TXLNB: variants seen among roughly 807,000 people sequenced by gnomAD.
The protein encoded by TXLNB is taxilin beta.
In TXLNB, 37 loss-of-function variants were observed where a neutral mutation model predicts 57.4. The ratio of observed to expected loss-of-function variants is 0.64; its 90% CI spans 0.50 to 0.85. TXLNB has a LOEUF of 0.85. TXLNB is among the 40% of genes least tolerant of loss of function. TXLNB has a pLI of 0.00. For missense variants in TXLNB, 848 were observed against 825.6 expected (o/e 1.03, Z -0.33); for synonymous variants, 302 against 309.6 (o/e 0.98, Z 0.26).
chr6:139,191,535 T>C, the TXLNB span, among the ~76,000 whole-genome samples: 2 of 152,174 alleles, frequency 1.3e-5, no homozygotes, highest in Admixed American at 6.5e-5. Context: ...TTATACAACG[T>C]TTCAATTACT....
At chr6:139,316,889 C>T in the TXLNB span, among the ~76,000 whole-genome samples, 7 of 152,252 alleles carry the variant, frequency 4.6e-5, no homozygotes, top group African/African-American at 1.4e-4. Context: ...AGTTAAGGCT[C>T]ACAAGGCTGG....
At chr6:139,217,637 G>A in the TXLNB span, among the ~76,000 whole-genome samples, 6 of 152,244 alleles carry the variant, frequency 3.9e-5, no homozygotes, top group African/African-American at 1.4e-4. Flanking sequence ...GGGAGGCCAA[G>A]GAGGGCAGAT....
At chr6:139,240,020 AAAT>A (rs923538560), downstream of TXLNB, 35 of 152,090 alleles carry the variant, frequency 2.3e-4, no homozygotes, top group African/African-American at 8.2e-4. Context: ...AACAAAAATA[AAAT>A]AAGTCAAAGT....
chr6:139,292,980 G>A (rs1460680623), upstream of TXLNB, among the ~76,000 whole-genome samples: 1 of 152,170 alleles, frequency 6.6e-6, no homozygotes, highest in African/African-American at 2.4e-5. This position sits in a 1 kb window ranked among gnomAD's most constrained non-coding sequence, Gnocchi z 4.0. Context: ...CCTACTCCCT[G>A]GAACCTGTGA....
the TXLNB span, chr6:139,203,473 C>G: frequency 6.6e-6 from 1 of 152,206 alleles, no homozygotes; most frequent in African/African-American, 2.4e-5. Flanking sequence ...TTAGCTTAAC[C>G]TCTCAGCAGC....
chr6:139,300,765 C>T, the TXLNB span, among the ~76,000 whole-genome samples: 2 of 152,156 alleles, frequency 1.3e-5, no homozygotes, highest in Admixed American at 6.5e-5. Context: ...CGTGGTGGCA[C>T]GCGGCTGTAA....
At chr6:139,317,616 A>C in the TXLNB span, among the ~76,000 whole-genome samples, 3 of 152,004 alleles carry the variant, frequency 2.0e-5, no homozygotes, top group Admixed American at 2.0e-4. Flanking sequence ...AGCCAGGATG[A>C]TCTCGATCTC....
chr6:139,257,315 G>A (rs920527271), intron 6 of TXLNB, among the ~76,000 whole-genome samples: 1 of 152,066 alleles, frequency 6.6e-6, no homozygotes, highest in Non-Finnish European at 1.5e-5. Context: ...CTCATATCTA[G>A]TTTGACAGTT....
At chr6:139,163,569 G>A in the TXLNB span, among the ~76,000 whole-genome samples, 2 of 152,086 alleles carry the variant, frequency 1.3e-5, no homozygotes, top group Admixed American at 6.5e-5. Context: ...GGCCAGGCTA[G>A]TATCGAACTC....
At chr6:139,261,774 T>C (rs1202011643) in intron 5 of TXLNB, among the ~76,000 whole-genome samples, 1 of 152,086 alleles carries the variant, frequency 6.6e-6, no homozygotes, top group Non-Finnish European at 1.5e-5. Context: ...CCATATGGTA[T>C]GTAAAGTACA....
chr6:139,314,252 TAAG>T, the TXLNB span, among the ~76,000 whole-genome samples: 1 of 152,222 alleles, frequency 6.6e-6, no homozygotes, highest in African/African-American at 2.4e-5. Context: ...TAGAGTCTGA[TAAG>T]AGACATTTAC....
chr6:139,243,821 G>A (rs1300267998), intron 9 of TXLNB, among the ~76,000 whole-genome samples: 3 of 152,302 alleles, frequency 2.0e-5, no homozygotes, highest in South Asian at 2.1e-4. Flanking sequence ...GAGAAGAATT[G>A]TTAGAGCAGT....
intron 4 of TXLNB, among the ~76,000 whole-genome samples, chr6:139,267,073 G>A (rs73560718): frequency 0.038 from 5,762 of 150,864 alleles, 372 homozygotes; most frequent in African/African-American, 0.13. Flanking sequence ...AAGATAAAAG[G>A]CAACTAAGAG....
intron 3 of TXLNB, among the ~76,000 whole-genome samples, chr6:139,272,133 C>A (rs1022147389): frequency 6.6e-6 from 1 of 151,986 alleles, no homozygotes; most frequent in Non-Finnish European, 1.5e-5. Context: ...GTGGTGAAAC[C>A]CCATCTCTAC....
chr6:139,222,763 C>T, the TXLNB span, among the ~76,000 whole-genome samples: 3 of 151,904 alleles, frequency 2.0e-5, no homozygotes, highest in Admixed American at 6.6e-5. Flanking sequence ...GCCGAGATTG[C>T]GCCACTGCAC....
Position 139,240,644 on chromosome 6 carries a change from G to A in TXLNB, c.*1882C>T, listed in dbSNP as rs1353253566. The A allele has an allele frequency of 6.6e-6, 1 of 152,628 alleles. No individual in the cohort carries two copies. The highest frequency in any genetic ancestry group is 2.4e-5 in the African/African-American group (1 of 41,446). 9.5% of individuals were successfully genotyped at this position (152,628 alleles called of 1,614,324 possible). A position where few individuals can be genotyped will look rare whatever the true frequency, so the allele number is the denominator to read the frequency against. The stretch of plus-strand genomic sequence containing the variant: ...TAAGACTTGCAGTAATGTTGAATTT[G>A]GCTGGATACCCTGTGGTTATAATAT... On this transcript the variant is annotated 3_prime_UTR_variant, in exon 10 of 10. Coordinates refer to ENST00000358430, the MANE Select transcript of TXLNB (RefSeq NM_153235.4).
At chr6:139,215,164 T>C in the TXLNB span, among the ~76,000 whole-genome samples, 2 of 152,084 alleles carry the variant, frequency 1.3e-5, no homozygotes, top group Admixed American at 6.6e-5. Flanking sequence ...AAGCCCGCAT[T>C]GCCAAGTCAA....
In TXLNB at chr6:139,277,201, C is replaced by T. The variant is rs557378749; in HGVS notation, c.425-280G>A. ...TCTCCCAGTTTTCATCACAAGAATC[C>T]GTTCTTATTTCTCCTCCCTGTATTC... On this transcript the variant is annotated intron_variant, in intron 2 of 9. Coordinates refer to ENST00000358430, the MANE Select transcript of TXLNB (RefSeq NM_153235.4). The T allele has an allele frequency of 6.4e-5, 19 of 298,696 alleles. No homozygotes were observed. The Admixed American group carries it at 6.8e-4, about 11-fold the overall frequency. The allele number at this position is 298,696 out of a possible 1,614,324, so 18.5% of individuals were successfully genotyped here. A position where few individuals can be genotyped will look rare whatever the true frequency, so the allele number is the denominator to read the frequency against.
the TXLNB span, chr6:139,197,872 T>G: frequency 6.6e-6 from 1 of 152,222 alleles, no homozygotes; most frequent in Non-Finnish European, 1.5e-5. Flanking sequence ...GATTCTCACT[T>G]GGCAGAAGGC....
Sources: gnomAD v4.1 joint callset for allele counts (sites outside exome capture counted in the v4.1 genomes callset) on GRCh38, gnomAD v4.1.1 for gene constraint, Gnocchi (gnomAD v3.1) non-coding constraint, MANE v1.5 for transcripts, NCBI Gene and HGNC (gene_info 2026-07-23, HGNC 2026-07-21) for gene names.